JAM3: variants seen among roughly 807,000 people sequenced by gnomAD.
The protein encoded by JAM3 is junctional adhesion molecule C.
JAM3 carries 31 observed loss-of-function variants against 39.4 expected under a neutral mutation model. That is an observed-to-expected ratio of 0.79 (90% CI 0.59 to 1.06). The LOEUF (loss-of-function observed/expected upper bound fraction) is 1.06. Among genes scored for constraint, JAM3 ranks in the 50% least tolerant of loss-of-function variants. The probability of loss-of-function intolerance (pLI) is 0.00; values close to 1 mark genes in which losing one functional copy is unlikely to be tolerated. For missense variants in JAM3, 455 were observed against 391.4 expected, an observed-to-expected ratio of 1.16 and a Z score of -1.37; for synonymous variants, 182 against 148.7, an observed-to-expected ratio of 1.22 and a Z score of -1.63.
intron 1 of JAM3, among the ~76,000 whole-genome samples, chr11:134,128,454 G>A (rs1467876938): frequency 1.3e-5 from 2 of 152,222 alleles, no homozygotes; most frequent in African/African-American, 4.8e-5. Flanking sequence ...GTTTGGCGGT[G>A]TGTTCCACCC....
intron 1 of JAM3, among the ~76,000 whole-genome samples, chr11:134,092,793 T>C (rs575013166): frequency 1.5e-4 from 20 of 135,612 alleles, no homozygotes; most frequent in African/African-American, 5.4e-4. Context: ...TTCATCATGT[T>C]CCATCTTACA....
At chr11:134,075,485 C>G (rs570742869) in intron 1 of JAM3, among the ~76,000 whole-genome samples, 1 of 150,226 alleles carries the variant, frequency 6.7e-6, no homozygotes, top group South Asian at 2.1e-4. Context: ...GCTTATTGCT[C>G]TATCTGGGGT....
chr11:134,099,904 T>C (rs535387367), intron 1 of JAM3, among the ~76,000 whole-genome samples: 4 of 152,230 alleles, frequency 2.6e-5, no homozygotes, highest in Admixed American at 1.3e-4. Flanking sequence ...CGCGCCCGGC[T>C]TGCTTCCTTT....
rs1173743125 is a variant in JAM3, at chr11:134,150,092, A to G, written c.*911A>G. ...GTTAAATTGGAAAATATCAATAATT[A>G]AGAGTATTTTACCCAAGGAATCCTC... On this transcript the variant is annotated 3_prime_UTR_variant, in exon 9 of 9. Coordinates refer to ENST00000299106, the MANE Select transcript of JAM3 (RefSeq NM_032801.5). 1 of 155,300 alleles carries G rather than the reference A, an allele frequency of 6.4e-6. No homozygotes were observed. The highest frequency in any genetic ancestry group is 1.4e-5 in the Non-Finnish European group (1 of 70,198). The allele number at this position is 155,300 out of a possible 1,614,324, so 9.6% of individuals were successfully genotyped here. A position where few individuals can be genotyped will look rare whatever the true frequency, so the allele number is the denominator to read the frequency against.
chr11:134,148,516 C>T, intron 6 of JAM3, 31 bp from the exon 7 acceptor site: 1 of 1,614,102 alleles, frequency 6.2e-7, no homozygotes, highest in Non-Finnish European at 8.5e-7. Context: ...TAGTGTGTAT[C>T]ATGGCTTCCA....
chr11:134,146,373 G>C (rs568125721), intron 6 of JAM3, among the ~76,000 whole-genome samples: 2 of 150,894 alleles, frequency 1.3e-5, no homozygotes, highest in Non-Finnish European at 2.9e-5. Context: ...CAGGTCTCCA[G>C]AAATTTATCC....
At chr11:134,116,904 G>C (rs1942444675) in intron 1 of JAM3, among the ~76,000 whole-genome samples, 2 of 151,966 alleles carry the variant, frequency 1.3e-5, no homozygotes, top group African/African-American at 4.8e-5. Context: ...TTTTCCCCTT[G>C]CATATTCATT....
chr11:134,145,058 G>C (rs1943046680), intron 5 of JAM3, 64 bp downstream of exon 5: 1 of 1,326,738 alleles, frequency 7.5e-7, no homozygotes, highest in Admixed American at 1.7e-5. Flanking sequence ...TGCTTATTGT[G>C]AAAAGAAGAT....
At chr11:134,137,807 C>T (rs7130188) in intron 1 of JAM3, among the ~76,000 whole-genome samples, 6 of 3,694 alleles carry the variant, frequency 1.6e-3, no homozygotes, top group African/African-American at 3.0e-3. Context: ...CCAGTGGTGG[C>T]GTCTCGTCAA....
chr11:134,085,822 G>A (rs1268332336), intron 1 of JAM3, among the ~76,000 whole-genome samples: 1 of 152,176 alleles, frequency 6.6e-6, no homozygotes, highest in Admixed American at 6.5e-5. Flanking sequence ...ACAGTGTAAG[G>A]AGGTGAGTTT....
At chr11:134,074,335 G>T (rs1349080719) in intron 1 of JAM3, among the ~76,000 whole-genome samples, 1 of 152,168 alleles carries the variant, frequency 6.6e-6, no homozygotes, top group African/African-American at 2.4e-5. Context: ...GAAAAAAGTT[G>T]CATCTTGGTT....
intron 8 of JAM3, among the ~76,000 whole-genome samples, 164 bp downstream of exon 8, chr11:134,148,982 A>ACACACG (rs1392717917): frequency 1.3e-5 from 2 of 150,870 alleles, no homozygotes; most frequent in Non-Finnish European, 2.9e-5. Flanking sequence ...ACACACACAC[A>ACACACG]CACACACACA....
intron 1 of JAM3, among the ~76,000 whole-genome samples, chr11:134,088,440 TTGTATC>T (rs1941781778): frequency 6.6e-6 from 1 of 152,262 alleles, no homozygotes; most frequent in Non-Finnish European, 1.5e-5. Flanking sequence ...TTTGGCTTCA[TTGTATC>T]TGTATCAATC....
chr11:134,087,930 A>G (rs1373004838), intron 1 of JAM3, among the ~76,000 whole-genome samples: 1 of 152,174 alleles, frequency 6.6e-6, no homozygotes, highest in Non-Finnish European at 1.5e-5. Context: ...GATGTTTAGT[A>G]ACATCTCTGG....
At chr11:134,147,855 A>T (rs1349434440) in intron 6 of JAM3, 1 of 153,350 alleles carries the variant, frequency 6.5e-6, no homozygotes, top group Non-Finnish European at 1.5e-5. Flanking sequence ...GATTTTTTTA[A>T]AACTTCCAAG....
chr11:134,112,006 A>C (rs1942320970), intron 1 of JAM3, among the ~76,000 whole-genome samples: 2 of 152,214 alleles, frequency 1.3e-5, no homozygotes, highest in South Asian at 4.1e-4. Flanking sequence ...AAGACAGTGG[A>C]TCTCTAAACG....
intron 1 of JAM3, among the ~76,000 whole-genome samples, chr11:134,113,130 T>A (rs1268859893): frequency 6.6e-6 from 1 of 151,992 alleles, no homozygotes; most frequent in African/African-American, 2.4e-5. Context: ...TTTTACTCAA[T>A]GAATTTCAAC....
chr11:134,135,613 C>T (rs866138644), intron 1 of JAM3, among the ~76,000 whole-genome samples: 10 of 151,736 alleles, frequency 6.6e-5, no homozygotes, highest in African/African-American at 2.2e-4. Context: ...TCTCAGCTCA[C>T]TGTAACCCCC....
intron 1 of JAM3, among the ~76,000 whole-genome samples, chr11:134,091,221 C>T (rs143752163): frequency 0.011 from 1,690 of 152,134 alleles, 20 homozygotes; most frequent in Middle Eastern, 0.078. Flanking sequence ...AAGGGCTGGG[C>T]GTGGTGGCTC....
Sources: gnomAD v4.1 joint callset for allele counts (sites outside exome capture counted in the v4.1 genomes callset) on GRCh38, gnomAD v4.1.1 for gene constraint, MANE v1.5 for transcripts, NCBI Gene and HGNC (gene_info 2026-07-23, HGNC 2026-07-21) for gene names.